MACF1: variants seen among roughly 807,000 people sequenced by gnomAD.
The protein encoded by MACF1 is microtubule-actin cross-linking factor 1.
MACF1 carries 193 observed loss-of-function variants against 854.8 expected under a neutral mutation model. The ratio of observed to expected loss-of-function variants is 0.23; its 90% CI spans 0.20 to 0.25. The LOEUF is 0.25. Ranked by LOEUF, MACF1 falls within the 10% of genes least tolerant of loss-of-function variation. The probability of loss-of-function intolerance (pLI) is 1.00; values close to 1 mark genes in which losing one functional copy is unlikely to be tolerated. For missense variants in MACF1, 7,722 were observed against 8,929.1 expected (o/e 0.86, Z 5.45); for synonymous variants, 3,185 against 3,226.7 (o/e 0.99, Z 0.44).
At chr1:39,369,055 T>A (rs558540085) in intron 50 of MACF1, among the ~76,000 whole-genome samples, 3 of 147,136 alleles carry the variant, frequency 2.0e-5, no homozygotes, top group Admixed American at 2.0e-4. Flanking sequence ...ACCAGGCTAC[T>A]TGTGAACTCC....
intron 95 of MACF1, among the ~76,000 whole-genome samples, chr1:39,466,547 G>T (rs896605642): frequency 6.6e-6 from 1 of 152,140 alleles, no homozygotes. Context: ...GTACACACAG[G>T]TGCATACTCC....
chr1:39,111,812 C>G (rs889568638), intron 2 of MACF1, among the ~76,000 whole-genome samples: 1 of 152,164 alleles, frequency 6.6e-6, no homozygotes, highest in Non-Finnish European at 1.5e-5. Context: ...TCTGAAAGTA[C>G]AGTTTGTTAC....
intron 1 of MACF1, chr1:39,206,428 G>T (rs1644451800): frequency 6.6e-6 from 1 of 152,090 alleles, no homozygotes; most frequent in African/African-American, 2.4e-5. Context: ...TTCTTTCCTT[G>T]TGCATTATGG....
At chr1:39,263,303 C>T (rs1645186717) in intron 6 of MACF1, among the ~76,000 whole-genome samples, 1 of 152,100 alleles carries the variant, frequency 6.6e-6, no homozygotes, top group Non-Finnish European at 1.5e-5. Context: ...TTTGTGACTG[C>T]TGATGAGGCT....
At chr1:39,447,404 G>C (rs1474825347) in intron 80 of MACF1, 28 bp from the exon 81 acceptor site, 4 of 1,546,338 alleles carry the variant, frequency 2.6e-6, no homozygotes, top group Non-Finnish European at 3.5e-6. Flanking sequence ...TTTTCTTTCT[G>C]TGTGTGTGTG....
chr1:39,336,099 A>C lies in MACF1; in HGVS notation c.9511A>C (p.Lys3171Gln), dbSNP rs143860064. The change falls in exon 37 of 101, where the codon AAG becomes CAG. Residue 3171 changes from lysine to glutamine, a missense_variant. Lys to Gln is a moderately conservative substitution (Grantham distance 53). Around this residue, in one of 15 missense-constraint regions of MACF1, gnomAD observed 854 missense variants for 852.6 expected, o/e 1.00. Transcript: ENST00000564288. ...QISSSNECKE[K>Q]SYQEVSFDPA... ...TTCCTCATCTAATGAATGTAAAGAA[A>C]AGTCATACCAAGAAGTATCTTTTGA... 184 of 1,613,856 alleles carry C rather than the reference A, an allele frequency of 1.1e-4. No individual in the cohort carries two copies. The highest frequency in any genetic ancestry group is 1.5e-4 in the Non-Finnish European group (173 of 1,180,016).
Position 39,432,527 on chromosome 1 carries a change from T to C in MACF1, c.17338-8T>C, listed in dbSNP as rs1053500320. On this transcript the variant is annotated splice_region_variant and splice_polypyrimidine_tract_variant and intron_variant, in intron 66 of 100. Transcript: ENST00000564288. ...AATTTGTTTATTTTTCTTTAATACG[T>C]CTATTAGTATGAGCAAGCTGCCGAT... 1 of 1,613,692 alleles carries C rather than the reference T, an allele frequency of 6.2e-7. No individual in the cohort carries two copies. The highest frequency in any genetic ancestry group is 1.3e-5 in the African/African-American group (1 of 75,020).
At chr1:39,459,342 T>C in intron 91 of MACF1, 93 bp downstream of exon 91, 4 of 1,330,296 alleles carry the variant, frequency 3.0e-6, no homozygotes, top group Non-Finnish European at 4.1e-6. Flanking sequence ...GAACCTTGTG[T>C]CTTAATTTAC....
At chr1:39,309,819 AT>A in intron 24 of MACF1, 123 bp downstream of exon 24, 2 of 1,040,998 alleles carry the variant, frequency 1.9e-6, no homozygotes, top group Non-Finnish European at 2.8e-6. Flanking sequence ...CAGGAATACC[AT>A]TTTAGAGTTC....
In MACF1 at chr1:39,228,752, C is replaced by G. The variant is rs182264399; in HGVS notation, c.110-2430C>G. On this transcript the variant is annotated intron_variant, in intron 1 of 100. Coordinates refer to ENST00000564288, the MANE Select transcript of MACF1 (RefSeq NM_001394062.1). ...CACTGCAACCTCCGCCTCCTGGGTTCAAGCGATTCTCCTGCCTCAGCCTCC... is the reference window on the plus strand; with the variant it reads ...CACTGCAACCTCCGCCTCCTGGGTTGAAGCGATTCTCCTGCCTCAGCCTCC... Among the ~76,000 whole-genome samples the G allele has an allele frequency of 2.6e-5, 4 of 152,340 alleles. No individual in the cohort carries two copies. The East Asian group carries it at 5.8e-4, about 22-fold the overall frequency.
intron 6 of MACF1, among the ~76,000 whole-genome samples, chr1:39,266,708 T>C (rs1312195964): frequency 3.3e-5 from 5 of 151,048 alleles, no homozygotes; most frequent in African/African-American, 1.2e-4. Context: ...TTCTGCTGTG[T>C]GGCCTGGATC....
intron 72 of MACF1, among the ~76,000 whole-genome samples, chr1:39,440,288 T>C (rs913370622): frequency 6.6e-6 from 1 of 151,658 alleles, no homozygotes; most frequent in Non-Finnish European, 1.5e-5. Flanking sequence ...TTATGTTTTA[T>C]AGAGATGGGG....
chr1:39,255,368 G>A (rs1018558551), intron 5 of MACF1, among the ~76,000 whole-genome samples: 1 of 152,184 alleles, frequency 6.6e-6, no homozygotes, highest in Non-Finnish European at 1.5e-5. Flanking sequence ...ATGGTTTGTG[G>A]TAGAAAGAAG....
chr1:39,164,820 C>T (rs951029087), intron 2 of MACF1, among the ~76,000 whole-genome samples: 2 of 152,196 alleles, frequency 1.3e-5, no homozygotes, highest in African/African-American at 4.8e-5. Context: ...ACAAACTTTA[C>T]TGTGTCAACA....
chr1:39,441,151 A>T (rs763112648), intron 73 of MACF1, 26 bp downstream of exon 73: 2 of 1,614,206 alleles, frequency 1.2e-6, no homozygotes, highest in South Asian at 2.2e-5. Flanking sequence ...TGAGGCACTC[A>T]GTTAGAACAT....
chr1:39,327,318 C>T lies in MACF1; in HGVS notation c.4579C>T (p.Leu1527Phe), dbSNP rs1366763977. The T allele has an allele frequency of 6.2e-7, 1 of 1,605,852 alleles. No homozygotes were observed. Among genetic ancestry groups the T allele is most frequent in the Non-Finnish European group, 8.5e-7 (1 of 1,173,508 alleles). The change falls in exon 36 of 101, where the codon CTT (leucine) becomes TTT (phenylalanine). Residue 1527 changes from leucine (L) to phenylalanine (F), a missense_variant. Leu to Phe is a conservative substitution (Grantham distance 22, BLOSUM62 0). Transcript: ENST00000564288. ...CDGSANQLQQ[L>F]QSQLAHQTEQ... ...TGGTTCTGCAAATCAGCTTCAGCAG[C>T]TTCAGAGCCAGTTGGCTCACCAGAC... is the stretch of plus-strand genomic sequence containing the variant.
chr1:39,200,254 T>A (rs1245915057), upstream of MACF1, among the ~76,000 whole-genome samples: 1 of 152,230 alleles, frequency 6.6e-6, no homozygotes, highest in Non-Finnish European at 1.5e-5. Flanking sequence ...TGGGTCTCCC[T>A]CTAATCCACT....
rs1236563116 is a variant in MACF1, at chr1:39,205,026, C to T, written c.4C>T (p.Pro2Ser). 1.4e-6 allele frequency: 1 copy of T among 702,860 alleles called. No individual in the cohort carries two copies. The highest frequency in any genetic ancestry group is 2.6e-6 in the Non-Finnish European group (1 of 384,986). 43.5% of individuals were successfully genotyped at this position (702,860 alleles called of 1,614,324 possible). M[P>S]LLDSSYLPPT... ...AGGAGAAAGGACGGGCCTGGAAATG[C>T]CCCTCTTAGATTCATCTTATTTACC... The change falls in exon 1 of 101, where the codon CCC (proline) becomes TCC (serine). Residue 2 changes from proline (P) to serine (S), a missense_variant. Physicochemically the swap from Pro to Ser is moderately conservative, Grantham distance 74. This residue lies in a region of MACF1 where 22 missense variants were observed against 16.1 expected (regional missense o/e 1.37). Coordinates refer to ENST00000564288, the MANE Select transcript of MACF1 (RefSeq NM_001394062.1).
chr1:39,403,662 T>C (rs1388988800), intron 58 of MACF1, among the ~76,000 whole-genome samples: 1 of 152,180 alleles, frequency 6.6e-6, no homozygotes, highest in African/African-American at 2.4e-5. Context: ...CCAAATATTC[T>C]TCCTCTGCAA....
Sources: gnomAD v4.1 joint callset for allele counts (sites outside exome capture counted in the v4.1 genomes callset) on GRCh38, gnomAD v4.1.1 for gene constraint, gnomAD v4.1.1 regional missense constraint, MANE v1.5 for transcripts, NCBI Gene and HGNC (gene_info 2026-07-23, HGNC 2026-07-21) for gene names.